Variants in PTPRD observed in about 807,000 individuals in gnomAD.
The protein encoded by PTPRD is protein tyrosine phosphatase receptor type D, also known as receptor-type tyrosine-protein phosphatase delta.
In PTPRD, 34 loss-of-function variants were observed where a neutral mutation model predicts 214.5. The ratio of observed to expected loss-of-function variants is 0.16; its 90% CI spans 0.12 to 0.21. PTPRD has a LOEUF of 0.21. PTPRD is among the 10% of genes least tolerant of loss of function. The probability of loss-of-function intolerance (pLI) is 1.00; values close to 1 mark genes in which losing one functional copy is unlikely to be tolerated. For missense variants in PTPRD, 2,545 were observed against 2,398.7 expected, an observed-to-expected ratio of 1.06 and a Z score of -1.27; for synonymous variants, 1,128 against 845.7, an observed-to-expected ratio of 1.33 and a Z score of -5.79.
intron 22 of PTPRD, 37 bp downstream of exon 22, chr9:8,507,264 T>C: frequency 1.3e-6 from 2 of 1,592,836 alleles, no homozygotes; most frequent in South Asian, 2.3e-5. Flanking sequence ...CCCCACGTAA[T>C]GAATAATTCC....
At chr9:9,733,550 T>A (rs2098237486) in intron 7 of PTPRD, among the ~76,000 whole-genome samples, 1 of 152,024 alleles carries the variant, frequency 6.6e-6, no homozygotes, top group South Asian at 2.1e-4. Context: ...CTGAAAGCAT[T>A]TGGTTTTAGG....
At chr9:9,864,503 T>C (rs989808538) in intron 5 of PTPRD, among the ~76,000 whole-genome samples, 3 of 151,952 alleles carry the variant, frequency 2.0e-5, no homozygotes, top group African/African-American at 7.3e-5. Context: ...TCGGATTTTG[T>C]TGTTTGTTTT....
chr9:9,076,172 C>T (rs2099750853), intron 10 of PTPRD, among the ~76,000 whole-genome samples: 1 of 152,150 alleles, frequency 6.6e-6, no homozygotes, highest in African/African-American at 2.4e-5. Flanking sequence ...TGATGATGAG[C>T]ATTTTTTCAT....
chr9:8,509,850 A>T (rs1199924228), intron 21 of PTPRD, among the ~76,000 whole-genome samples: 1 of 152,178 alleles, frequency 6.6e-6, no homozygotes, highest in Non-Finnish European at 1.5e-5. Flanking sequence ...TGTCCTTTTT[A>T]TTCTTGCACA....
At chr9:8,557,431 A>AATATATATATAT (rs1281715374) in intron 14 of PTPRD, among the ~76,000 whole-genome samples, 2 of 111,748 alleles carry the variant, frequency 1.8e-5, no homozygotes, top group African/African-American at 1.5e-4. Flanking sequence ...TTCATTTGTA[A>AATATATATATAT]ATACATATAT....
chr9:10,229,321 A>G (rs543643741), intron 3 of PTPRD, among the ~76,000 whole-genome samples: 2 of 152,166 alleles, frequency 1.3e-5, no homozygotes, highest in African/African-American at 4.8e-5. Flanking sequence ...AGAACTAGCA[A>G]TACCATTTGA....
chr9:9,487,002 T>A (rs1038753937), intron 8 of PTPRD, among the ~76,000 whole-genome samples: 1 of 152,212 alleles, frequency 6.6e-6, no homozygotes, highest in South Asian at 2.1e-4. Context: ...CATATTATTT[T>A]AAATAAATTA....
intron 8 of PTPRD, among the ~76,000 whole-genome samples, chr9:9,407,350 A>G (rs1363974402): frequency 6.6e-6 from 1 of 151,742 alleles, no homozygotes; most frequent in African/African-American, 2.4e-5. Context: ...GATGACATTT[A>G]GGTTGTTTCT....
At chr9:9,769,562 G>A (rs1341908542) in intron 5 of PTPRD, among the ~76,000 whole-genome samples, 1 of 151,706 alleles carries the variant, frequency 6.6e-6, no homozygotes, top group African/African-American at 2.4e-5. Context: ...TCCTGACCTC[G>A]TGATCCGCTT....
At chr9:10,571,069 T>C (rs1162746785) in intron 2 of PTPRD, among the ~76,000 whole-genome samples, 2 of 152,168 alleles carry the variant, frequency 1.3e-5, no homozygotes, top group Non-Finnish European at 2.9e-5. Flanking sequence ...ATATTTGCAT[T>C]ATAGTGAAGT....
At chr9:9,787,072 G>A (rs1376318634) in intron 5 of PTPRD, among the ~76,000 whole-genome samples, 2 of 152,038 alleles carry the variant, frequency 1.3e-5, no homozygotes, top group African/African-American at 4.8e-5. Context: ...GGGCAGCGGA[G>A]GTTGCAGTGA....
At chr9:9,961,954 T>C (rs540107079) in intron 4 of PTPRD, among the ~76,000 whole-genome samples, 2 of 152,218 alleles carry the variant, frequency 1.3e-5, no homozygotes, top group South Asian at 4.1e-4. Flanking sequence ...CATCAACATA[T>C]ACAATTATTA....
At chr9:10,309,633 G>A (rs1275954346) in intron 3 of PTPRD, among the ~76,000 whole-genome samples, 1 of 151,320 alleles carries the variant, frequency 6.6e-6, no homozygotes, top group Non-Finnish European at 1.5e-5. Context: ...CCAAAGTGCT[G>A]GGATTAAAGG....
intron 3 of PTPRD, among the ~76,000 whole-genome samples, chr9:10,143,894 A>C (rs995277710): frequency 1.3e-5 from 2 of 151,994 alleles, no homozygotes; most frequent in African/African-American, 4.8e-5. Flanking sequence ...ACACTGGGGG[A>C]TGCAAGAGGG....
At chr9:9,510,747 G>T (rs1206437330) in intron 8 of PTPRD, among the ~76,000 whole-genome samples, 2 of 150,882 alleles carry the variant, frequency 1.3e-5, no homozygotes, top group Non-Finnish European at 3.0e-5. Flanking sequence ...GCATAATCAT[G>T]CATCCTTGAT....
chr9:9,757,168 G>A (rs987577051), intron 6 of PTPRD, among the ~76,000 whole-genome samples: 2 of 152,032 alleles, frequency 1.3e-5, no homozygotes, highest in African/African-American at 2.4e-5. Context: ...CTTAGCAGTT[G>A]TTCATAATAT....
At chr9:10,263,724 G>C (rs1380500873) in intron 3 of PTPRD, among the ~76,000 whole-genome samples, 1 of 152,268 alleles carries the variant, frequency 6.6e-6, no homozygotes, top group East Asian at 1.9e-4. Flanking sequence ...GCGTGCTGCA[G>C]AAATTTGCAG....
At chr9:9,780,769 C>G (rs965477082) in intron 5 of PTPRD, among the ~76,000 whole-genome samples, 6 of 152,166 alleles carry the variant, frequency 3.9e-5, no homozygotes, top group African/African-American at 1.4e-4. Context: ...TTCTCACAAA[C>G]TGGAAGCAAC....
At chr9:10,336,611 C>T (rs928917700) in intron 3 of PTPRD, among the ~76,000 whole-genome samples, 1 of 151,168 alleles carries the variant, frequency 6.6e-6, no homozygotes, top group Non-Finnish European at 1.5e-5. Context: ...TCTCCAGTAG[C>T]CAAGAATATT....
Sources: gnomAD v4.1 joint callset for allele counts (sites outside exome capture counted in the v4.1 genomes callset) on GRCh38, gnomAD v4.1.1 for gene constraint, MANE v1.5 for transcripts, NCBI Gene and HGNC (gene_info 2026-07-23, HGNC 2026-07-21) for gene names.